Variants in CACNG3 observed in about 807,000 individuals in gnomAD.
CACNG3 encodes calcium voltage-gated channel auxiliary subunit gamma 3, also known as voltage-dependent calcium channel gamma-3 subunit.
CACNG3 carries 3 observed loss-of-function variants against 28.5 expected under a neutral mutation model. That is an observed-to-expected ratio of 0.11 (90% CI 0.05 to 0.27). The LOEUF (loss-of-function observed/expected upper bound fraction) is 0.27, where lower values mean the gene tolerates loss of function less well. Among genes scored for constraint, CACNG3 ranks in the 10% least tolerant of loss-of-function variants. The pLI is 1.00. For missense variants in CACNG3, 236 were observed against 414.4 expected (o/e 0.57, Z 3.74); for synonymous variants, 174 against 162.2 (o/e 1.07, Z -0.55).
At chr16:24,311,686 T>C (rs1008752024) in intron 1 of CACNG3, among the ~76,000 whole-genome samples, 1 of 151,502 alleles carries the variant, frequency 6.6e-6, no homozygotes, top group Non-Finnish European at 1.5e-5. Flanking sequence ...TGAAACCCCA[T>C]CTCTACTAGA....
At chr16:24,333,257 ATAGT>A (rs1214976693) in intron 1 of CACNG3, among the ~76,000 whole-genome samples, 5 of 152,200 alleles carry the variant, frequency 3.3e-5, no homozygotes, top group African/African-American at 7.2e-5. Flanking sequence ...ACCCTAGTAC[ATAGT>A]TAAAGAAGAT....
intron 2 of CACNG3, among the ~76,000 whole-genome samples, chr16:24,351,956 C>T (rs1043693511): frequency 2.0e-5 from 3 of 150,992 alleles, no homozygotes; most frequent in Admixed American, 6.6e-5. Flanking sequence ...GCTGGGACTA[C>T]AGGCGCCCAC....
chr16:24,341,444 C>T (rs557177019), intron 1 of CACNG3, among the ~76,000 whole-genome samples: 1 of 152,180 alleles, frequency 6.6e-6, no homozygotes, highest in East Asian at 1.9e-4. Context: ...GTAATAATAG[C>T]TGTAATATAC....
intron 1 of CACNG3, among the ~76,000 whole-genome samples, chr16:24,257,437 C>T (rs985495657): frequency 7.0e-6 from 1 of 141,872 alleles, no homozygotes; most frequent in Non-Finnish European, 1.5e-5. Context: ...GATCCTGACC[C>T]GGTCTGGCAC....
chr16:24,274,186 C>CAA (rs72368556), intron 1 of CACNG3, among the ~76,000 whole-genome samples: 29 of 103,490 alleles, frequency 2.8e-4, no homozygotes, highest in Non-Finnish European at 3.9e-4. Flanking sequence ...GACTCCATCT[C>CAA]AAAAAAAAAA....
chr16:24,275,061 GAAT>G (rs1898736130), intron 1 of CACNG3, among the ~76,000 whole-genome samples: 1 of 152,016 alleles, frequency 6.6e-6, no homozygotes, highest in Non-Finnish European at 1.5e-5. Context: ...AACTATTTCA[GAAT>G]AATAATAAGA....
chr16:24,278,764 C>G (rs1361338321), intron 1 of CACNG3, among the ~76,000 whole-genome samples: 1 of 152,132 alleles, frequency 6.6e-6, no homozygotes, highest in Non-Finnish European at 1.5e-5. Context: ...ACCTTAGGCA[C>G]AGAGAGGTTA....
At chr16:24,355,085 G>A in intron 3 of CACNG3, 112 bp downstream of exon 3, 1 of 1,052,006 alleles carries the variant, frequency 9.5e-7, no homozygotes. Context: ...GCAAGAAAAT[G>A]TTCCAGTTGT....
At chr16:24,278,232 G>C (rs549336957) in intron 1 of CACNG3, among the ~76,000 whole-genome samples, 1 of 152,270 alleles carries the variant, frequency 6.6e-6, no homozygotes, top group East Asian at 1.9e-4. Context: ...ATGTGAATAA[G>C]AGCTTCCAAT....
Position 24,361,878 on chromosome 16 carries a change from T to C in CACNG3, c.*15T>C, listed in dbSNP as rs758658928. On this transcript the variant is annotated 3_prime_UTR_variant, in exon 4 of 4. Transcript: ENST00000005284. The surrounding 1 kb of genome is among the most constrained non-coding windows in gnomAD (Gnocchi z 6.8). ...CGCCCGTCTGAACTGACCTCTGACCTCTGCCCCACGCCCAGCACAGCCTTG... is the reference window on the plus strand; with the variant it reads ...CGCCCGTCTGAACTGACCTCTGACCCCTGCCCCACGCCCAGCACAGCCTTG... The C allele has an allele frequency of 7.6e-6, 12 of 1,587,820 alleles. No individual in the cohort carries two copies. The Admixed American group carries it at 1.4e-4, about 18-fold the overall frequency.
At chr16:24,258,743 G>A (rs1264910771) in intron 1 of CACNG3, among the ~76,000 whole-genome samples, 1 of 152,148 alleles carries the variant, frequency 6.6e-6, no homozygotes, top group African/African-American at 2.4e-5. Context: ...TCTAGAGATG[G>A]CATAGAAGTT....
chr16:24,285,845 CTT>C (rs11406086), intron 1 of CACNG3, among the ~76,000 whole-genome samples: 14 of 131,594 alleles, frequency 1.1e-4, no homozygotes, highest in Non-Finnish European at 1.7e-4. Flanking sequence ...TCTTTCTTTT[CTT>C]TTTTTTTTTT....
At chr16:24,351,831 CTTTT>C (rs869158970) in intron 2 of CACNG3, among the ~76,000 whole-genome samples, 49 of 85,098 alleles carry the variant, frequency 5.8e-4, no homozygotes, top group African/African-American at 1.6e-3. Flanking sequence ...CTCTCTCTCT[CTTTT>C]TTTTTTTTTT....
chr16:24,361,849 A>T lies in CACNG3; in HGVS notation c.934A>T (p.Thr312Ser). 5 of 1,607,152 alleles carry T rather than the reference A, an allele frequency of 3.1e-6. No individual in the cohort carries two copies. The highest frequency in any genetic ancestry group is 3.4e-6 in the Non-Finnish European group (4 of 1,179,016). The change falls in exon 4 of 4, where the codon ACC (threonine) becomes TCC (serine). Residue 312 changes from threonine to serine, a missense_variant. Thr to Ser is a moderately conservative substitution (Grantham distance 58). Transcript: ENST00000005284. This position sits in a 1 kb window ranked among gnomAD's most constrained non-coding sequence, Gnocchi z 6.8. ...GCATAATAATCCGGCCAACAGGCGC[A>T]CCACGCCCGTCTGAACTGACCTCTG... ...SLHNNPANRRTTPV is the reference protein window; with the variant it reads ...SLHNNPANRRSTPV
At chr16:24,257,099 ACT>A (rs1596617306) in intron 1 of CACNG3, 134 bp downstream of exon 1, 1 of 650,958 alleles carries the variant, frequency 1.5e-6, no homozygotes, top group Non-Finnish European at 2.7e-6. Flanking sequence ...AGGTGCCCAG[ACT>A]CTGTTAACAG....
intron 1 of CACNG3, among the ~76,000 whole-genome samples, chr16:24,262,532 C>A (rs1431658760): frequency 6.6e-6 from 1 of 152,236 alleles, no homozygotes; most frequent in Non-Finnish European, 1.5e-5. Context: ...CACCACTGCA[C>A]CTACCCTAGC....
chr16:24,329,051 G>A (rs1003416925), intron 1 of CACNG3, among the ~76,000 whole-genome samples: 1 of 152,176 alleles, frequency 6.6e-6, no homozygotes, highest in Non-Finnish European at 1.5e-5. Context: ...ACACCGCCCT[G>A]TTTCCCTTCT....
intron 1 of CACNG3, among the ~76,000 whole-genome samples, chr16:24,299,038 G>A (rs1343609082): frequency 6.6e-6 from 1 of 152,160 alleles, no homozygotes; most frequent in East Asian, 1.9e-4. Flanking sequence ...CGCCCCTGTA[G>A]AGTTACTTTT....
intron 1 of CACNG3, among the ~76,000 whole-genome samples, chr16:24,345,623 C>A (rs1462139529): frequency 6.6e-6 from 1 of 152,138 alleles, no homozygotes. Flanking sequence ...TCTCTTGAAC[C>A]CGGGAGGCAG....
Sources: gnomAD v4.1 joint callset for allele counts (sites outside exome capture counted in the v4.1 genomes callset) on GRCh38, gnomAD v4.1.1 for gene constraint, Gnocchi (gnomAD v3.1) non-coding constraint, MANE v1.5 for transcripts, NCBI Gene and HGNC (gene_info 2026-07-23, HGNC 2026-07-21) for gene names.